FRY: variants seen among roughly 807,000 people sequenced by gnomAD.
FRY encodes FRY microtubule binding protein.
In FRY, 128 loss-of-function variants were observed where a neutral mutation model predicts 348.4. The observed-to-expected ratio is 0.37, with a 90% CI of 0.32 to 0.43. The LOEUF (loss-of-function observed/expected upper bound fraction) is 0.43. Among genes scored for constraint, FRY ranks in the 20% least tolerant of loss-of-function variants. FRY has a pLI of 1.00. For synonymous variants in FRY, 1,370 were observed against 1,374.7 expected (o/e 1.00, Z 0.08); for missense variants, 2,736 against 3,695.2 (o/e 0.74, Z 6.73).
At chr13:32,256,093 G>A (rs147247075) in intron 51 of FRY, among the ~76,000 whole-genome samples, 179 of 152,232 alleles carry the variant, frequency 1.2e-3, no homozygotes, top group Admixed American at 1.9e-3. Context: ...TGGGATGCCC[G>A]TTACTTAAAA....
intron 2 of FRY, among the ~76,000 whole-genome samples, chr13:32,097,025 G>A (rs1221044120): frequency 6.6e-6 from 1 of 152,108 alleles, no homozygotes; most frequent in Non-Finnish European, 1.5e-5. Context: ...GCAAAAATGT[G>A]TAAGTGTAAA....
chr13:32,154,533 C>A (rs1452799521), intron 14 of FRY, among the ~76,000 whole-genome samples: 2 of 152,124 alleles, frequency 1.3e-5, no homozygotes, highest in Non-Finnish European at 2.9e-5. Context: ...ACCTCAGTTT[C>A]CTCACCTGAA....
intron 17 of FRY, among the ~76,000 whole-genome samples, chr13:32,165,449 T>C (rs798976): frequency 0.26 from 39,115 of 152,100 alleles, 5,335 homozygotes; most frequent in Middle Eastern, 0.36. Context: ...TGTAGATAGA[T>C]GGGGGTTCAT....
chr13:32,080,439 AGT>A, intron 2 of FRY, among the ~76,000 whole-genome samples: 1 of 152,228 alleles, frequency 6.6e-6, no homozygotes, highest in South Asian at 2.1e-4. Flanking sequence ...GAGAAAGTTA[AGT>A]AAATACTCAA....
rs745700020 is a variant in FRY, at chr13:32,261,828, C to T, written c.7617+12C>T. 7.4e-6 allele frequency: 12 copies of T among 1,611,496 alleles called. No homozygotes were observed. Among genetic ancestry groups the T allele is most frequent in the East Asian group, 4.5e-5 (2 of 44,874 alleles). Reference sequence around the variant, plus strand: ...AGCACTCAGACCTAGTAAGTAGCGGCTCTCCCACTCTAAGAATTGGGAGGC... The same window carrying T: ...AGCACTCAGACCTAGTAAGTAGCGGTTCTCCCACTCTAAGAATTGGGAGGC... On this transcript the variant is annotated intron_variant, in intron 52 of 60. Transcript: ENST00000542859.
rs1887973187 is a variant in FRY, at chr13:32,267,285, A to T, written c.8062A>T (p.Ile2688Phe). 5.6e-6 allele frequency: 9 copies of T among 1,614,056 alleles called. No individual in the cohort carries two copies. Among genetic ancestry groups the T allele is most frequent in the Non-Finnish European group, 7.6e-6 (9 of 1,180,032 alleles). The change falls in exon 55 of 61, where the codon ATC becomes TTC. Residue 2688 changes from isoleucine to phenylalanine, a missense_variant. Physicochemically the swap from Ile to Phe is conservative, Grantham distance 21. Around this residue, in one of 9 missense-constraint regions of FRY, gnomAD observed 789 missense variants for 996.2 expected, o/e 0.79. Coordinates refer to ENST00000542859, the MANE Select transcript of FRY (RefSeq NM_023037.3). Reference protein sequence around the residue: ...DDAEEAWRSHINQLMCDSDGS... With the variant: ...DDAEEAWRSHFNQLMCDSDGS... ...TGCCGAGGAGGCCTGGCGCAGCCACATCAACCAGCTTATGTGTGACTCAGA... is the reference window on the plus strand; with the variant it reads ...TGCCGAGGAGGCCTGGCGCAGCCACTTCAACCAGCTTATGTGTGACTCAGA...
intron 50 of FRY, among the ~76,000 whole-genome samples, chr13:32,253,699 T>A (rs1887196908): frequency 6.6e-6 from 1 of 152,230 alleles, no homozygotes; most frequent in African/African-American, 2.4e-5. Context: ...CCTACTCTTC[T>A]ATGGACAAGT....
At chr13:32,061,524 AG>A (rs1489835592) in intron 1 of FRY, among the ~76,000 whole-genome samples, 1 of 152,192 alleles carries the variant, frequency 6.6e-6, no homozygotes, top group Admixed American at 6.5e-5. Context: ...AATAATTAAT[AG>A]CATCATATTT....
chr13:32,081,763 G>A (rs528400242), intron 2 of FRY, among the ~76,000 whole-genome samples: 3 of 152,282 alleles, frequency 2.0e-5, no homozygotes, highest in Non-Finnish European at 2.9e-5. Flanking sequence ...TGGATTCAGA[G>A]GCTTGTCAGC....
intron 14 of FRY, among the ~76,000 whole-genome samples, chr13:32,152,016 A>G (rs1880824109): frequency 6.6e-6 from 1 of 152,230 alleles, no homozygotes. Flanking sequence ...TTACAGTAAC[A>G]CTGAAAAACA....
rs538498979 is a variant in FRY at position 32,230,903 on chromosome 13, TAGTC to T, written c.5406-272_5406-269del. On this transcript the variant is annotated intron_variant, in intron 40 of 60. Coordinates refer to ENST00000542859, the MANE Select transcript of FRY (RefSeq NM_023037.3). ...GTGGTTTTGATTTGCATTTCTCTAA[TAGTC>T]AGTGATGTTGAGCTTTTTTTATATA... is the stretch of plus-strand genomic sequence containing the variant. Among the ~76,000 whole-genome samples the T allele has an allele frequency of 1.5e-4, 23 of 152,352 alleles. No individual in the cohort carries two copies. In the South Asian group the frequency reaches 4.1e-3, roughly 27 times the overall value.
At chr13:32,269,798 CAT>C (rs1171535293) in intron 55 of FRY, among the ~76,000 whole-genome samples, 17 of 152,254 alleles carry the variant, frequency 1.1e-4, no homozygotes, top group African/African-American at 4.1e-4. Context: ...TTCAGGATGA[CAT>C]ATGTTTAGTT....
chr13:32,241,685 T>G (rs1886511788), intron 46 of FRY, among the ~76,000 whole-genome samples: 1 of 152,202 alleles, frequency 6.6e-6, no homozygotes, highest in African/African-American at 2.4e-5. Context: ...AAAAAGTGTA[T>G]CAGTGTACTC....
Position 32,237,373 on chromosome 13 carries a change from A to C in FRY, c.5811-6A>C. On this transcript the variant is annotated splice_polypyrimidine_tract_variant and splice_region_variant and intron_variant, in intron 43 of 60. Transcript: ENST00000542859. The surrounding 1 kb of genome is among the most constrained non-coding windows in gnomAD (Gnocchi z 6.3). ...TCCTATTAAACTTATTTATTTTTAT[A>C]CCCAGCTCTTCCTCACCAGATTTAA... is the stretch of plus-strand genomic sequence containing the variant. 1 of 1,613,694 alleles carries C rather than the reference A, an allele frequency of 6.2e-7. No individual in the cohort carries two copies. Among genetic ancestry groups the C allele is most frequent in the Non-Finnish European group, 8.5e-7 (1 of 1,179,984 alleles).
intron 31 of FRY, among the ~76,000 whole-genome samples, chr13:32,203,570 A>G (rs1884171124): frequency 6.6e-6 from 1 of 152,132 alleles, no homozygotes; most frequent in Non-Finnish European, 1.5e-5. Context: ...AAAAAAGACA[A>G]AAATTAGCTG....
At chr13:32,124,967 A>G in intron 7 of FRY, 92 bp downstream of exon 7, 1 of 908,860 alleles carries the variant, frequency 1.1e-6, no homozygotes, top group Non-Finnish European at 1.8e-6. Flanking sequence ...TTGAGCTTAC[A>G]AGGAACTAGG....
intron 33 of FRY, 149 bp downstream of exon 33, chr13:32,209,880 T>A: frequency 1.2e-6 from 1 of 815,594 alleles, no homozygotes; most frequent in Non-Finnish European, 2.0e-6. Context: ...AGATATTACA[T>A]AAAAGTTCCC....
At chr13:32,079,224 T>C (rs1875312651) in intron 2 of FRY, among the ~76,000 whole-genome samples, 191 bp downstream of exon 2, 2 of 152,228 alleles carry the variant, frequency 1.3e-5, no homozygotes, top group Admixed American at 6.5e-5. Context: ...GTGTTGAGGA[T>C]TTTAAAACGA....
chr13:32,268,505 A>AAAAAAT (rs1555273232), intron 55 of FRY, among the ~76,000 whole-genome samples: 5 of 28,316 alleles, frequency 1.8e-4, no homozygotes, highest in Admixed American at 4.8e-4. Context: ...AAAAAAAAAA[A>AAAAAAT]ATATATATAT....
Sources: gnomAD v4.1 joint callset for allele counts (sites outside exome capture counted in the v4.1 genomes callset) on GRCh38, gnomAD v4.1.1 for gene constraint, gnomAD v4.1.1 regional missense constraint, Gnocchi (gnomAD v3.1) non-coding constraint, MANE v1.5 for transcripts, NCBI Gene and HGNC (gene_info 2026-07-23, HGNC 2026-07-21) for gene names.